Variants in BEND3 observed in about 807,000 individuals in gnomAD.
BEND3 encodes BEN domain containing 3.
In BEND3, 13 loss-of-function variants were observed where a neutral mutation model predicts 60.1. The observed-to-expected ratio is 0.22, with a 90% CI of 0.14 to 0.34. The LOEUF (loss-of-function observed/expected upper bound fraction) is 0.34, where lower values mean the gene tolerates loss of function less well. Ranked by LOEUF, BEND3 falls within the 10% of genes least tolerant of loss-of-function variation. The pLI is 1.00. For missense variants in BEND3, 896 were observed against 1,138.1 expected (o/e 0.79, Z 3.06); for synonymous variants, 497 against 491.5 (o/e 1.01, Z -0.15).
At chr6:107,103,948 CAAAAA>C (rs781876027) in intron 1 of BEND3, among the ~76,000 whole-genome samples, 1 of 92,834 alleles carries the variant, frequency 1.1e-5, no homozygotes, top group Admixed American at 1.1e-4. Context: ...AACTCCGTCT[CAAAAA>C]AAAAAAAAAG....
intron 3 of BEND3, among the ~76,000 whole-genome samples, chr6:107,078,714 G>A (rs902524534): frequency 3.3e-5 from 5 of 151,106 alleles, no homozygotes; most frequent in African/African-American, 9.8e-5. Flanking sequence ...CCAGCGAGGC[G>A]GGCAGTGTCA....
chr6:107,075,032 C>T (rs1775070624), intron 3 of BEND3, among the ~76,000 whole-genome samples: 1 of 151,306 alleles, frequency 6.6e-6, no homozygotes, highest in African/African-American at 2.4e-5. Flanking sequence ...ACCCGGGAGG[C>T]GGAGGTGGCA....
At chr6:107,096,844 C>T (rs1775595413) in intron 3 of BEND3, among the ~76,000 whole-genome samples, 1 of 152,056 alleles carries the variant, frequency 6.6e-6, no homozygotes. Context: ...CTTGTAATCC[C>T]AGCACTTTGG....
At chr6:107,084,183 C>T (rs550850308) in intron 3 of BEND3, among the ~76,000 whole-genome samples, 92 of 152,318 alleles carry the variant, frequency 6.0e-4, no homozygotes, top group African/African-American at 2.1e-3. Context: ...ACAGCAGACA[C>T]CAGAGAGCAG....
At chr6:107,074,583 C>A (rs11756979) in intron 3 of BEND3, among the ~76,000 whole-genome samples, 9 of 152,222 alleles carry the variant, frequency 5.9e-5, no homozygotes, top group Non-Finnish European at 8.8e-5. Context: ...GGGTAAGTCA[C>A]TCATGGAAGG....
chr6:107,078,595 C>T (rs1438977673), intron 3 of BEND3, among the ~76,000 whole-genome samples: 7 of 147,584 alleles, frequency 4.7e-5, no homozygotes, highest in African/African-American at 7.6e-5. Flanking sequence ...GCTGGGATTA[C>T]AGGCGTGAGC....
chr6:107,083,814 C>G (rs1775281861), intron 3 of BEND3, among the ~76,000 whole-genome samples: 1 of 152,092 alleles, frequency 6.6e-6, no homozygotes. Flanking sequence ...TGAGGCTGGG[C>G]TCCATGGCTC....
Position 107,070,537 on chromosome 6 carries a change from G to T in BEND3, c.654C>A (p.Asp218Glu), listed in dbSNP as rs1774951818. 6.2e-7 allele frequency: 1 copy of T among 1,613,628 alleles called. No individual in the cohort carries two copies. Among genetic ancestry groups the T allele is most frequent in the East Asian group, 2.2e-5 (1 of 44,880 alleles). ...TGCGGCTCACCTCAAGGGAGAGCAGGTCCACCTTGCTGTGCAGCTGGGACA... is the reference window on the plus strand; with the variant it reads ...TGCGGCTCACCTCAAGGGAGAGCAGTTCCACCTTGCTGTGCAGCTGGGACA... ...SNMSQLHSKV[D>E]LLSLEVSRIK... Residue 218 changes from aspartate to glutamate, a missense_variant, in exon 4 of 4, where the codon GAC becomes GAA. Transcript: ENST00000369042. This position sits in a 1 kb window ranked among gnomAD's most constrained non-coding sequence, Gnocchi z 6.9.
chr6:107,093,417 C>G (rs1447624888), intron 3 of BEND3, among the ~76,000 whole-genome samples: 1 of 151,080 alleles, frequency 6.6e-6, no homozygotes, highest in African/African-American at 2.4e-5. Flanking sequence ...GCCAAGATCG[C>G]GCCACTGCAC....
At chr6:107,105,921 G>A (rs1287111762) in intron 1 of BEND3, among the ~76,000 whole-genome samples, 6 of 152,140 alleles carry the variant, frequency 3.9e-5, no homozygotes, top group Admixed American at 3.9e-4. Flanking sequence ...TGAGAATGTG[G>A]GCCCCAGAAC....
At position 107,113,437 on chromosome 6, in the gene BEND3, C is replaced by CAAAAAAAAAAAA. The variant is rs1158122732; in HGVS notation, c.-12+1641_-12+1652dup. 2.3e-4 allele frequency among the ~76,000 whole-genome samples: 3 copies of CAAAAAAAAAAAA among 13,072 alleles called. 1 individual carries two copies. Among genetic ancestry groups the CAAAAAAAAAAAA allele is most frequent in the African/African-American group, 2.2e-4 (1 of 4,560 alleles). 8.6% of individuals were successfully genotyped at this position (13,072 alleles called of 152,430 possible). ...CGGGTGACAGAGCGAGACTCCGTCTCAAAAAAAAAAAAAAAACAAAAAAAA... is the reference window on the plus strand; with the variant it reads ...CGGGTGACAGAGCGAGACTCCGTCTCAAAAAAAAAAAAAAAAAAAAAAAAAAAACAAAAAAAA... On this transcript the variant is annotated intron_variant, in intron 1 of 3. Transcript: ENST00000369042.
In BEND3 at chr6:107,069,259, C is replaced by T. The variant is rs200483901; in HGVS notation, c.1932G>A (p.Arg644=). Reference sequence around the variant, plus strand: ...AGCGCCTTTGCTCCGTGTCCCGGCGCCGGCAGCGCTCATCCAGTTTGCCCA... The same window carrying T: ...AGCGCCTTTGCTCCGTGTCCCGGCGTCGGCAGCGCTCATCCAGTTTGCCCA... The part of the protein sequence containing the change: ...EFVGKLDERC[R]RRDTEQRRSY... The change falls in exon 4 of 4, where the codon CGG becomes CGA. Residue 644 remains arginine, a synonymous_variant. Coordinates refer to ENST00000369042, the MANE Select transcript of BEND3 (RefSeq NM_001367314.1). The T allele has an allele frequency of 1.9e-6, 3 of 1,611,416 alleles. No homozygotes were observed. The highest frequency in any genetic ancestry group is 2.2e-5 in the East Asian group (1 of 44,844).
chr6:107,110,195 C>G lies in BEND3; in HGVS notation c.-12+4895G>C, dbSNP rs577962589. Reference sequence around the variant, plus strand: ...AAAAACTGGAGGGAGAGCATGGTATCAGGTGACCTGCTGAGAAAACTTCAG... The same window carrying G: ...AAAAACTGGAGGGAGAGCATGGTATGAGGTGACCTGCTGAGAAAACTTCAG... On this transcript the variant is annotated intron_variant, in intron 1 of 3. Coordinates refer to ENST00000369042, the MANE Select transcript of BEND3 (RefSeq NM_001367314.1). 4.3e-4 allele frequency among the ~76,000 whole-genome samples: 66 copies of G among 152,320 alleles called. 1 individual carries two copies. The South Asian group carries it at 0.013, about 30-fold the overall frequency.
intron 3 of BEND3, among the ~76,000 whole-genome samples, chr6:107,093,418 G>T (rs369452311): frequency 6.6e-6 from 1 of 150,728 alleles, no homozygotes; most frequent in Admixed American, 6.6e-5. Flanking sequence ...CCAAGATCGC[G>T]CCACTGCACT....
At chr6:107,110,743 C>T (rs1434440237) in intron 1 of BEND3, among the ~76,000 whole-genome samples, 2 of 151,992 alleles carry the variant, frequency 1.3e-5, no homozygotes, top group African/African-American at 2.4e-5. Flanking sequence ...TTAGTAGATA[C>T]GAGGTTTCGC....
At chr6:107,105,177 C>T (rs1213796350) in intron 1 of BEND3, among the ~76,000 whole-genome samples, 1 of 151,958 alleles carries the variant, frequency 6.6e-6, no homozygotes, top group African/African-American at 2.4e-5. Context: ...TGGAGCCCAT[C>T]CTGGCCAACG....
intron 3 of BEND3, among the ~76,000 whole-genome samples, chr6:107,084,931 G>A (rs1275281397): frequency 2.6e-5 from 4 of 152,196 alleles, no homozygotes; most frequent in East Asian, 1.9e-4. Context: ...CAACCCATTC[G>A]GGTCCCCTTC....
chr6:107,106,569 A>G (rs1775819135), intron 1 of BEND3, among the ~76,000 whole-genome samples: 1 of 152,218 alleles, frequency 6.6e-6, no homozygotes, highest in South Asian at 2.1e-4. Flanking sequence ...CTTTGGAGTC[A>G]GATGGAACTG....
intron 3 of BEND3, among the ~76,000 whole-genome samples, chr6:107,083,520 C>T (rs944918769): frequency 6.6e-6 from 1 of 151,902 alleles, no homozygotes; most frequent in Non-Finnish European, 1.5e-5. Context: ...GCCTGCAGTC[C>T]CAGATATTTG....
Sources: allele counts gnomAD v4.1 joint callset (sites outside exome capture counted in the v4.1 genomes callset), GRCh38; gene constraint gnomAD v4.1.1; non-coding constraint Gnocchi (gnomAD v3.1); transcripts MANE v1.5; gene names NCBI Gene and HGNC (gene_info 2026-07-23, HGNC 2026-07-21).